IL10RB: variants seen among roughly 807,000 people sequenced by gnomAD.
IL10RB encodes the protein interleukin 10 receptor subunit beta.
IL10RB carries 30 observed loss-of-function variants against 38.7 expected under a neutral mutation model. The observed-to-expected ratio is 0.78, with a 90% CI of 0.58 to 1.05. IL10RB has a LOEUF of 1.05. Among genes scored for constraint, IL10RB ranks in the 50% least tolerant of loss-of-function variants. The probability of loss-of-function intolerance (pLI) is 0.00; values close to 1 mark genes in which losing one functional copy is unlikely to be tolerated. For missense variants in IL10RB, 328 were observed against 397.1 expected, an observed-to-expected ratio of 0.83 and a Z score of 1.48; for synonymous variants, 142 against 145.9, an observed-to-expected ratio of 0.97 and a Z score of 0.19.
chr21:33,271,499 T>C (rs1183232926), intron 2 of IL10RB, among the ~76,000 whole-genome samples: 2 of 151,950 alleles, frequency 1.3e-5, no homozygotes, highest in Admixed American at 1.3e-4. Context: ...GAGGCCGAGG[T>C]GGGTGGATCA....
At position 33,274,510 on chromosome 21, in the gene IL10RB, C is replaced by G. The variant is rs547999965; in HGVS notation, c.174-2086C>G. On this transcript the variant is annotated intron_variant, in intron 2 of 6. Transcript: ENST00000290200. ...TTCTTAAATAATAAGATTTGAAAGT[C>G]GAAATAACTCCTTGACCCATGGGCT... is the stretch of plus-strand genomic sequence containing the variant. Among the ~76,000 whole-genome samples the G allele has an allele frequency of 1.2e-3, 189 of 152,250 alleles. 2 individuals carry two copies. The highest frequency in any genetic ancestry group is 1.2e-3 in the Non-Finnish European group (80 of 68,010).
In IL10RB at chr21:33,296,486, G is replaced by A. The variant is rs1014684753; in HGVS notation, c.*129G>A. On this transcript the variant is annotated 3_prime_UTR_variant, in exon 7 of 7. Coordinates refer to ENST00000290200, the MANE Select transcript of IL10RB (RefSeq NM_000628.5). The stretch of plus-strand genomic sequence containing the variant: ...GCCAGCCCCACATCTAGAACTCCCA[G>A]ACCCTGGACTTAGCCACCAGAGAGC... 3.3e-6 allele frequency: 3 copies of A among 905,476 alleles called. No individual in the cohort carries two copies. The highest frequency in any genetic ancestry group is 5.3e-6 in the Non-Finnish European group (3 of 568,314). 56.1% of individuals were successfully genotyped at this position (905,476 alleles called of 1,614,324 possible). A position where few individuals can be genotyped will look rare whatever the true frequency, so the allele number is the denominator to read the frequency against.
Position 33,296,417 on chromosome 21 carries a change from T to A in IL10RB, c.*60T>A. 6.6e-7 allele frequency: 1 copy of A among 1,525,826 alleles called. No individual in the cohort carries two copies. Among genetic ancestry groups the A allele is most frequent in the South Asian group, 1.1e-5 (1 of 88,934 alleles). 94.5% of individuals were successfully genotyped at this position (1,525,826 alleles called of 1,614,324 possible). A position where few individuals can be genotyped will look rare whatever the true frequency, so the allele number is the denominator to read the frequency against. On this transcript the variant is annotated 3_prime_UTR_variant, in exon 7 of 7. Transcript: ENST00000290200. ...TGACGTACTCCATCTCACATCTGCC[T>A]CAGTGAGGGATCAGGGCAGCAAACA...
At chr21:33,294,346 G>A (rs944159691) in intron 6 of IL10RB, among the ~76,000 whole-genome samples, 2 of 151,514 alleles carry the variant, frequency 1.3e-5, no homozygotes, top group African/African-American at 2.4e-5. Context: ...ATCCTACACT[G>A]ATCTATTGAG....
At position 33,296,687 on chromosome 21, in the gene IL10RB, G is replaced by T; in HGVS notation, c.*330G>T. 2.3e-6 allele frequency: 1 copy of T among 426,010 alleles called. No individual in the cohort carries two copies. Among genetic ancestry groups the T allele is most frequent in the Non-Finnish European group, 4.6e-6 (1 of 216,892 alleles). 26.4% of individuals were successfully genotyped at this position (426,010 alleles called of 1,614,324 possible). ...AACAGGGCCGAGCACAGTGGCTCAC[G>T]CCTGTAATACCAGCACCTTAGAGGT... On this transcript the variant is annotated 3_prime_UTR_variant, in exon 7 of 7. Transcript: ENST00000290200.
exon 2 of IL10RB, chr21:33,309,145 T>A (rs1010137161): frequency 6.6e-6 from 1 of 152,172 alleles, no homozygotes; most frequent in African/African-American, 2.4e-5. Flanking sequence ...CCAACAAAAG[T>A]GCAGCTGTTC....
At chr21:33,294,501 G>A (rs1989554078) in intron 6 of IL10RB, among the ~76,000 whole-genome samples, 1 of 152,052 alleles carries the variant, frequency 6.6e-6, no homozygotes, top group Non-Finnish European at 1.5e-5. Context: ...AAAATCCAGA[G>A]TAGCTTCCAG....
At chr21:33,278,422 A>G (rs751683857) in intron 3 of IL10RB, among the ~76,000 whole-genome samples, 3 of 152,182 alleles carry the variant, frequency 2.0e-5, no homozygotes, top group Non-Finnish European at 2.9e-5. Flanking sequence ...ATATTTTCTA[A>G]TGGTACCTTT....
At chr21:33,299,994 G>A (rs2082981636), downstream of IL10RB, among the ~76,000 whole-genome samples, 1 of 152,146 alleles carries the variant, frequency 6.6e-6, no homozygotes, top group Non-Finnish European at 1.5e-5. Flanking sequence ...ACATGCCCCA[G>A]GAATGCATCC....
At chr21:33,287,482 T>G (rs1429674722) in intron 5 of IL10RB, among the ~76,000 whole-genome samples, 1 of 152,092 alleles carries the variant, frequency 6.6e-6, no homozygotes, top group African/African-American at 2.4e-5. Context: ...CCTCAGCCTT[T>G]CAAATTGCTG....
At chr21:33,277,806 A>G (rs897023879) in intron 3 of IL10RB, among the ~76,000 whole-genome samples, 1 of 149,676 alleles carries the variant, frequency 6.7e-6, no homozygotes. Context: ...AGTAGCTGGG[A>G]CTTCAAGTGC....
At position 33,296,638 on chromosome 21, in the gene IL10RB, T is replaced by C. The variant is rs561856540; in HGVS notation, c.*281T>C. 1 of 559,538 alleles carries C rather than the reference T, an allele frequency of 1.8e-6. No homozygotes were observed. Among genetic ancestry groups the C allele is most frequent in the African/African-American group, 1.9e-5 (1 of 53,672 alleles). The allele number at this position is 559,538 out of a possible 1,614,324, so 34.7% of individuals were successfully genotyped here. On this transcript the variant is annotated 3_prime_UTR_variant, in exon 7 of 7. Coordinates refer to ENST00000290200, the MANE Select transcript of IL10RB (RefSeq NM_000628.5). Reference sequence around the variant, plus strand: ...TTTTCAGCCTTTTATATCACTAAAATAAGATCATGTTTTAATTGTGAGAAA... The same window carrying C: ...TTTTCAGCCTTTTATATCACTAAAACAAGATCATGTTTTAATTGTGAGAAA...
chr21:33,273,592 C>G (rs1989118929), intron 2 of IL10RB, among the ~76,000 whole-genome samples: 1 of 152,188 alleles, frequency 6.6e-6, no homozygotes, highest in East Asian at 1.9e-4. Flanking sequence ...ACAATGAAGT[C>G]TGCTGCATCA....
chr21:33,282,946 C>A lies in IL10RB; in HGVS notation c.499-148C>A, dbSNP rs1192250071. The A allele has an allele frequency of 8.6e-6, 6 of 697,860 alleles. No homozygotes were observed. In the Admixed American group the frequency reaches 1.1e-4, roughly 13 times the overall value. 43.2% of individuals were successfully genotyped at this position (697,860 alleles called of 1,614,324 possible). ...CCTTGATGCACCCCCTGAGTGGCCT[C>A]AGGGTCCCTGAACTGAGAGGAGCAC... On this transcript the variant is annotated intron_variant, in intron 4 of 6. Coordinates refer to ENST00000290200, the MANE Select transcript of IL10RB (RefSeq NM_000628.5).
chr21:33,286,847 T>C lies in IL10RB; in HGVS notation c.647-1257T>C, dbSNP rs372078149. On this transcript the variant is annotated intron_variant, in intron 5 of 6. Coordinates refer to ENST00000290200, the MANE Select transcript of IL10RB (RefSeq NM_000628.5). ...CAGCCTGGACAACAGAACAAGACTC[T>C]ATCTCAAAAATGAAAATAAATAAAA... 3.1e-4 allele frequency among the ~76,000 whole-genome samples: 47 copies of C among 152,210 alleles called. 2 individuals carry two copies. The South Asian group carries it at 7.1e-3, about 23-fold the overall frequency.
intron 1 of IL10RB, among the ~76,000 whole-genome samples, chr21:33,307,990 G>A (rs142844818): frequency 1.3e-5 from 2 of 152,194 alleles, no homozygotes; most frequent in Non-Finnish European, 2.9e-5. Context: ...ATGGATGTAT[G>A]AGTGAATGAA....
At chr21:33,310,067 T>A (rs1236380715) in exon 2 of IL10RB, 1 of 152,158 alleles carries the variant, frequency 6.6e-6, no homozygotes, top group Non-Finnish European at 1.5e-5. Flanking sequence ...AGTGAGAATG[T>A]AGCCATCTGT....
chr21:33,271,975 C>T (rs954071275), intron 2 of IL10RB, among the ~76,000 whole-genome samples: 2 of 149,360 alleles, frequency 1.3e-5, no homozygotes, highest in African/African-American at 2.5e-5. Flanking sequence ...AGAAGGAAGG[C>T]GGAAGGGAAG....
rs1467845 is a variant in IL10RB, at chr21:33,294,071, A to G, written c.805-2113A>G. 0.68 allele frequency: 321,429 copies of G among 470,774 alleles called. 110,410 individuals carry two copies. The highest frequency in any genetic ancestry group is 0.76 in the East Asian group (10,944 of 14,380). 29.2% of individuals were successfully genotyped at this position (470,774 alleles called of 1,614,324 possible). A position where few individuals can be genotyped will look rare whatever the true frequency, so the allele number is the denominator to read the frequency against. ...GAACGGTAGAGGGGCCTGCTGGCAT[A>G]AGCTCTCACCTCCGAGGCTAGAAGA... On this transcript the variant is annotated intron_variant, in intron 6 of 6. Coordinates refer to ENST00000290200, the MANE Select transcript of IL10RB (RefSeq NM_000628.5).
Sources: gnomAD v4.1 joint callset for allele counts (sites outside exome capture counted in the v4.1 genomes callset) on GRCh38, gnomAD v4.1.1 for gene constraint, MANE v1.5 for transcripts, NCBI Gene and HGNC (gene_info 2026-07-23, HGNC 2026-07-21) for gene names.